CORO2B: variants seen among roughly 807,000 people sequenced by gnomAD.
CORO2B encodes coronin 2B.
In CORO2B, 26 loss-of-function variants were observed where a neutral mutation model predicts 58.8. The observed-to-expected ratio is 0.44, with a 90% CI of 0.32 to 0.61. The LOEUF (loss-of-function observed/expected upper bound fraction) is 0.61, where lower values mean the gene tolerates loss of function less well. CORO2B is among the 20% of genes least tolerant of loss of function. The pLI, the probability that CORO2B is intolerant of heterozygous loss-of-function variation, is 0.04. For synonymous variants in CORO2B, 242 were observed against 253.8 expected, an observed-to-expected ratio of 0.95 and a Z score of 0.44; for missense variants, 460 against 645.1, an observed-to-expected ratio of 0.71 and a Z score of 3.11.
At chr15:68,583,706 G>T (rs1051522565) in intron 1 of CORO2B, among the ~76,000 whole-genome samples, 1 of 152,184 alleles carries the variant, frequency 6.6e-6, no homozygotes, top group Non-Finnish European at 1.5e-5. Flanking sequence ...GTTCCCTGAC[G>T]CAGAATCTAG....
the CORO2B span, among the ~76,000 whole-genome samples, chr15:68,552,469 C>CGG: frequency 2.4e-4 from 2 of 8,378 alleles, no homozygotes; most frequent in Non-Finnish European, 6.6e-4. Context: ...TAGGAGGACG[C>CGG]GGGGGGGTGG....
At chr15:68,534,028 G>C in the CORO2B span, among the ~76,000 whole-genome samples, 2 of 152,104 alleles carry the variant, frequency 1.3e-5, no homozygotes, top group Non-Finnish European at 2.9e-5. Flanking sequence ...TTCTAAGATA[G>C]GACATGTGCC....
chr15:68,552,075 T>TCA, the CORO2B span, among the ~76,000 whole-genome samples: 1 of 152,074 alleles, frequency 6.6e-6, no homozygotes, highest in Admixed American at 6.5e-5. Context: ...AAGTGTCCTC[T>TCA]CACAGATAGG....
At chr15:68,637,407 C>T (rs1278288997) in intron 1 of CORO2B, among the ~76,000 whole-genome samples, 1 of 152,226 alleles carries the variant, frequency 6.6e-6, no homozygotes, top group African/African-American at 2.4e-5. Flanking sequence ...AGATGATCAG[C>T]TCTCGCTCAC....
chr15:68,637,346 CAT>C (rs1387195940), intron 1 of CORO2B, among the ~76,000 whole-genome samples: 7 of 152,204 alleles, frequency 4.6e-5, no homozygotes, highest in Non-Finnish European at 1.0e-4. Flanking sequence ...AGTATGGAAA[CAT>C]GTGCTGTGTT....
the CORO2B span, among the ~76,000 whole-genome samples, chr15:68,573,761 G>A: frequency 1.3e-5 from 2 of 152,198 alleles, no homozygotes; most frequent in African/African-American, 2.4e-5. Context: ...TCCTCAAGCC[G>A]GGGATGCTTC....
At chr15:68,606,900 A>G (rs1900137979) in intron 1 of CORO2B, among the ~76,000 whole-genome samples, 1 of 152,184 alleles carries the variant, frequency 6.6e-6, no homozygotes, top group Admixed American at 6.5e-5. Flanking sequence ...TAGGTGCTCA[A>G]TATATCCTCC....
At chr15:68,618,116 C>G (rs550680194) in intron 1 of CORO2B, among the ~76,000 whole-genome samples, 8 of 152,032 alleles carry the variant, frequency 5.3e-5, no homozygotes, top group Non-Finnish European at 2.9e-5. Flanking sequence ...TGTTGTGACC[C>G]AATACACACA....
intron 1 of CORO2B, among the ~76,000 whole-genome samples, chr15:68,609,236 G>T (rs1271962457): frequency 1.3e-5 from 2 of 152,332 alleles, no homozygotes; most frequent in East Asian, 1.9e-4. Flanking sequence ...TGGTTGGGGG[G>T]ATGGTCACCT....
intron 1 of CORO2B, among the ~76,000 whole-genome samples, chr15:68,591,775 G>A (rs66906023): frequency 0.17 from 26,285 of 152,180 alleles, 2,678 homozygotes; most frequent in Middle Eastern, 0.29. Flanking sequence ...CCATCTGCCT[G>A]GGCTGCCAGA....
In CORO2B at chr15:68,717,672, C is replaced by A. The variant is rs548049986; in HGVS notation, c.968-1026C>A. Among the ~76,000 whole-genome samples the A allele has an allele frequency of 1.9e-4, 16 of 82,266 alleles. No homozygotes were observed. The South Asian group carries it at 0.011, about 56-fold the overall frequency. The allele number at this position is 82,266 out of a possible 152,430, so 54.0% of individuals were successfully genotyped here. ...GTTAAGCAACTCACCTGAGGCAGGT[C>A]TTATCTGCTAAGTAGCAGAAGAAGA... On this transcript the variant is annotated intron_variant, in intron 8 of 11. Coordinates refer to ENST00000261861, the MANE Select transcript of CORO2B (RefSeq NM_006091.5).
At chr15:68,713,136 GCTCAGTTAAGGAGGCACT>G (rs1422603228) in intron 5 of CORO2B, among the ~76,000 whole-genome samples, 4 of 152,202 alleles carry the variant, frequency 2.6e-5, no homozygotes, top group African/African-American at 9.6e-5. Context: ...GCCCAAGACA[GCTCAGTTAAGGAGGCACT>G]CCCTGATGAG....
chr15:68,722,524 ATTG>A (rs1353549717), intron 11 of CORO2B, among the ~76,000 whole-genome samples: 3 of 152,238 alleles, frequency 2.0e-5, no homozygotes, highest in Non-Finnish European at 4.4e-5. Flanking sequence ...AAATCGCTGA[ATTG>A]TAAGCTTAAA....
chr15:68,533,848 G>GA, the CORO2B span, among the ~76,000 whole-genome samples: 1 of 152,242 alleles, frequency 6.6e-6, no homozygotes, highest in South Asian at 2.1e-4. Context: ...TAATCAAAGG[G>GA]TGGGGACCTT....
At chr15:68,660,529 C>T (rs1006544063) in intron 2 of CORO2B, among the ~76,000 whole-genome samples, 5 of 152,144 alleles carry the variant, frequency 3.3e-5, no homozygotes, top group African/African-American at 1.2e-4. Flanking sequence ...CACCACCACA[C>T]CTGGCTAATT....
Position 68,645,255 on chromosome 15 carries a change from C to A in CORO2B, c.111C>A (p.Thr37=). The part of the protein sequence containing the change: ...REHCFDGIPI[T]KNVHDNHFCA... ...ACTGCTTCGATGGGATCCCCATCAC[C>A]AAGAATGTGCACGACAACCACTTCT... The change falls in exon 2 of 12, where the codon ACC becomes ACA. Residue 37 remains threonine (T), a synonymous_variant. Coordinates refer to ENST00000261861, the MANE Select transcript of CORO2B (RefSeq NM_006091.5). This position sits in a 1 kb window ranked among gnomAD's most constrained non-coding sequence, Gnocchi z 4.5. The A allele has an allele frequency of 6.2e-7, 1 of 1,614,196 alleles. No homozygotes were observed. Among genetic ancestry groups the A allele is most frequent in the Non-Finnish European group, 8.5e-7 (1 of 1,180,036 alleles).
At chr15:68,706,654 C>T (rs1009081701) in intron 3 of CORO2B, among the ~76,000 whole-genome samples, 5 of 152,196 alleles carry the variant, frequency 3.3e-5, no homozygotes, top group African/African-American at 1.2e-4. Context: ...TTTAGAGCTT[C>T]CTACTCAAGT....
At chr15:68,560,759 C>A in the CORO2B span, among the ~76,000 whole-genome samples, 4 of 152,190 alleles carry the variant, frequency 2.6e-5, no homozygotes, top group African/African-American at 9.7e-5. Context: ...CCTTTCAGGG[C>A]CAGCTTTCAG....
At chr15:68,637,550 C>T (rs1285002418) in intron 1 of CORO2B, among the ~76,000 whole-genome samples, 1 of 152,102 alleles carries the variant, frequency 6.6e-6, no homozygotes, top group Non-Finnish European at 1.5e-5. Flanking sequence ...CAGTTGATAC[C>T]CACATATCAC....
Sources: allele counts gnomAD v4.1 joint callset (sites outside exome capture counted in the v4.1 genomes callset), GRCh38; gene constraint gnomAD v4.1.1; non-coding constraint Gnocchi (gnomAD v3.1); transcripts MANE v1.5; gene names NCBI Gene and HGNC (gene_info 2026-07-23, HGNC 2026-07-21).